The following RGL1 variants were observed in gnomAD, a reference collection of about 807,000 sequenced individuals.
RGL1 encodes the protein ral guanine nucleotide dissociation stimulator-like 1.
Under a neutral mutation model 95.2 loss-of-function variants are expected in RGL1, and 24 were observed. The ratio of observed to expected loss-of-function variants is 0.25; its 90% CI spans 0.18 to 0.35. The LOEUF (loss-of-function observed/expected upper bound fraction) is 0.35, where lower values mean the gene tolerates loss of function less well. Ranked by LOEUF, RGL1 falls within the 10% of genes least tolerant of loss-of-function variation. The pLI is 1.00. For missense variants in RGL1, 715 were observed against 936.3 expected (o/e 0.76, Z 3.08); for synonymous variants, 329 against 344.9 (o/e 0.95, Z 0.51).
At chr1:183,885,497 A>G (rs1667059839) in intron 7 of RGL1, among the ~76,000 whole-genome samples, 1 of 152,128 alleles carries the variant, frequency 6.6e-6, no homozygotes, top group Non-Finnish European at 1.5e-5. Flanking sequence ...GTTGGAGGGG[A>G]GGAGTCTGTT....
chr1:183,751,618 A>G (rs1006081687), intron 2 of RGL1, among the ~76,000 whole-genome samples: 3 of 152,140 alleles, frequency 2.0e-5, no homozygotes, highest in Non-Finnish European at 2.9e-5. Context: ...TCCTGCAGCT[A>G]GCTCAGTGTC....
At chr1:183,793,267 C>T (rs945366519) in intron 2 of RGL1, among the ~76,000 whole-genome samples, 14 of 152,120 alleles carry the variant, frequency 9.2e-5, no homozygotes, top group Non-Finnish European at 1.9e-4. Context: ...CCATCTCTCA[C>T]CGTGTATAAA....
chr1:183,875,871 CAAAAAAAA>C (rs375478958), intron 4 of RGL1, among the ~76,000 whole-genome samples: 4 of 99,450 alleles, frequency 4.0e-5, no homozygotes, highest in South Asian at 3.7e-4. Context: ...AGCTCTGTCT[CAAAAAAAA>C]AAAAAAAAAA....
intron 2 of RGL1, among the ~76,000 whole-genome samples, chr1:183,751,352 G>A (rs1657986200): frequency 6.6e-6 from 1 of 152,196 alleles, no homozygotes; most frequent in African/African-American, 2.4e-5. Flanking sequence ...CAATGGCTTT[G>A]TTTACACTGC....
intron 1 of RGL1, among the ~76,000 whole-genome samples, chr1:183,715,361 A>G (rs1245794778): frequency 1.3e-5 from 2 of 151,844 alleles, no homozygotes; most frequent in South Asian, 2.1e-4. Context: ...ACCTCACCTC[A>G]TTGTTGGTGA....
chr1:183,784,808 T>TGTGTAAAA (rs1424242715), intron 2 of RGL1, among the ~76,000 whole-genome samples: 2 of 152,200 alleles, frequency 1.3e-5, no homozygotes, highest in Non-Finnish European at 2.9e-5. Context: ...TTGATCCTAG[T>TGTGTAAAA]GTGTAAAAGG....
In RGL1 at chr1:183,922,306, G is replaced by C; in HGVS notation, c.2089G>C (p.Glu697Gln). The change falls in exon 17 of 18, where the codon GAG (glutamate) becomes CAG (glutamine). Residue 697 changes from glutamate to glutamine, a missense_variant. Coordinates refer to ENST00000360851, the MANE Select transcript of RGL1 (RefSeq NM_001297671.3). The stretch of plus-strand genomic sequence containing the variant: ...GGACTCAGACCCCGCCGAGGAGTAC[G>C]AGCTGGTGCAGGTCATCTCGGAGGA... The part of the protein sequence containing the change: ...NLDSDPAEEY[E>Q]LVQVISEDKE... The C allele has an allele frequency of 1.2e-6, 2 of 1,614,040 alleles. No individual in the cohort carries two copies. Among genetic ancestry groups the C allele is most frequent in the African/African-American group, 1.3e-5 (1 of 75,028 alleles).
At chr1:183,872,182 GTC>G (rs199779250) in intron 4 of RGL1, among the ~76,000 whole-genome samples, 2,002 of 152,226 alleles carry the variant, frequency 0.013, 27 homozygotes, top group Non-Finnish European at 0.021. Context: ...AAAGTGAATT[GTC>G]TCTAGGGCAG....
chr1:183,726,313 C>G (rs992400305), intron 1 of RGL1, among the ~76,000 whole-genome samples: 1 of 151,672 alleles, frequency 6.6e-6, no homozygotes, highest in African/African-American at 2.4e-5. Context: ...AATAGAGAAA[C>G]AGTGAAGAAC....
chr1:183,775,496 A>C, intron 2 of RGL1, among the ~76,000 whole-genome samples: 1 of 152,254 alleles, frequency 6.6e-6, no homozygotes, highest in East Asian at 1.9e-4. Flanking sequence ...TCTCTGGCTC[A>C]AGTAGTTCAA....
chr1:183,913,106 A>G lies in RGL1; in HGVS notation c.1749+838A>G, dbSNP rs1023441477. Among the ~76,000 whole-genome samples, 4 of 147,482 alleles carry G rather than the reference A, an allele frequency of 2.7e-5. No homozygotes were observed. In the South Asian group the frequency reaches 6.4e-4, roughly 23 times the overall value. On this transcript the variant is annotated intron_variant, in intron 15 of 17. Coordinates refer to ENST00000360851, the MANE Select transcript of RGL1 (RefSeq NM_001297671.3). ...ATAAAAGAATTTCCGTCGAGTTTCT[A>G]TTTTCTGTGACTGCATAAATAAAAA...
At chr1:183,771,269 T>A in intron 2 of RGL1, among the ~76,000 whole-genome samples, 1 of 148,352 alleles carries the variant, frequency 6.7e-6, no homozygotes, top group African/African-American at 2.5e-5. Context: ...TGTAGAGAGC[T>A]AAGGAAACTC....
At chr1:183,790,665 G>A (rs1447002861) in intron 2 of RGL1, among the ~76,000 whole-genome samples, 1 of 152,152 alleles carries the variant, frequency 6.6e-6, no homozygotes, top group African/African-American at 2.4e-5. Flanking sequence ...AGTTATAAAA[G>A]AGAAATTGCT....
At chr1:183,652,103 G>C (rs1487030969) in intron 1 of RGL1, among the ~76,000 whole-genome samples, 2 of 152,138 alleles carry the variant, frequency 1.3e-5, no homozygotes, top group East Asian at 3.8e-4. Flanking sequence ...GCACTTTTCT[G>C]TCTTTATTAC....
intron 4 of RGL1, among the ~76,000 whole-genome samples, chr1:183,873,725 C>T (rs866439423): frequency 1.3e-5 from 2 of 152,292 alleles, no homozygotes; most frequent in Middle Eastern, 3.4e-3. Flanking sequence ...TTCCATTGCT[C>T]TATGCTGTTT....
rs1487300637 is a variant in RGL1, at chr1:183,899,901, CA to C, written c.1231-248del. 2.0e-5 allele frequency among the ~76,000 whole-genome samples: 3 copies of C among 152,234 alleles called. No homozygotes were observed. In the East Asian group the frequency reaches 5.8e-4, roughly 29 times the overall value. On this transcript the variant is annotated intron_variant, in intron 10 of 17. Coordinates refer to ENST00000360851, the MANE Select transcript of RGL1 (RefSeq NM_001297671.3). The stretch of plus-strand genomic sequence containing the variant: ...AGCAAAACATAAACCCCACAGTCAA[CA>C]CTTTTGAACAGATGTGTATGATCTC...
intron 1 of RGL1, among the ~76,000 whole-genome samples, chr1:183,669,927 A>G (rs984575413): frequency 2.0e-5 from 3 of 152,200 alleles, no homozygotes; most frequent in African/African-American, 7.2e-5. Flanking sequence ...GAACAGCAGC[A>G]TGGGGGTAAC....
At chr1:183,643,258 GTTTT>G (rs1553265191) in intron 1 of RGL1, among the ~76,000 whole-genome samples, 2,848 of 142,938 alleles carry the variant, frequency 0.02, 44 homozygotes, top group African/African-American at 0.033. Context: ...TTGAGGTCCT[GTTTT>G]TTTATTTATT....
At chr1:183,898,220 A>G (rs1351487098) in intron 10 of RGL1, among the ~76,000 whole-genome samples, 1 of 152,146 alleles carries the variant, frequency 6.6e-6, no homozygotes, top group African/African-American at 2.4e-5. Context: ...TGCACTTAGA[A>G]GCTGCTCCAC....
Sources: allele counts gnomAD v4.1 joint callset (sites outside exome capture counted in the v4.1 genomes callset), GRCh38; gene constraint gnomAD v4.1.1; transcripts MANE v1.5; gene names NCBI Gene and HGNC (gene_info 2026-07-23, HGNC 2026-07-21).